Variants in MOK observed in about 807,000 individuals in gnomAD.
MOK encodes MAPK/MAK/MRK overlapping kinase.
MOK carries 59 observed loss-of-function variants against 54.2 expected under a neutral mutation model. The observed-to-expected ratio is 1.09, with a 90% CI of 0.88 to 1.35. MOK has a LOEUF of 1.35. MOK is among the 40% of genes most tolerant of loss of function. MOK has a pLI of 0.00. For missense variants in MOK, 517 were observed against 526.2 expected, an observed-to-expected ratio of 0.98 and a Z score of 0.17; for synonymous variants, 210 against 202.7, an observed-to-expected ratio of 1.04 and a Z score of -0.31.
chr14:102,255,642 C>T (rs952241494), intron 4 of MOK, among the ~76,000 whole-genome samples: 2 of 152,190 alleles, frequency 1.3e-5, no homozygotes, highest in Admixed American at 1.3e-4. Context: ...CAAAGGAAAG[C>T]ACTGCCTAGC....
chr14:102,223,523 CTG>C (rs201658511), downstream of MOK: 2,136 of 152,650 alleles, frequency 0.014, 26 homozygotes, highest in Admixed American at 0.033. Context: ...GTAAAATAAA[CTG>C]TTGTTTCCAA....
chr14:102,285,209 A>C (rs1463746641), intron 1 of MOK, among the ~76,000 whole-genome samples: 2 of 152,182 alleles, frequency 1.3e-5, no homozygotes, highest in Non-Finnish European at 2.9e-5. Flanking sequence ...TGGCAGAAAC[A>C]AGCCTAGAGT....
intron 1 of MOK, among the ~76,000 whole-genome samples, chr14:102,291,158 C>A (rs887537987): frequency 6.6e-6 from 1 of 152,166 alleles, no homozygotes; most frequent in African/African-American, 2.4e-5. Flanking sequence ...GGTACCATAT[C>A]CCTTCTGACA....
At chr14:102,259,345 AAAG>A (rs1250158819) in intron 4 of MOK, among the ~76,000 whole-genome samples, 1 of 152,168 alleles carries the variant, frequency 6.6e-6, no homozygotes, top group Non-Finnish European at 1.5e-5. Flanking sequence ...AGTTTTCACT[AAAG>A]AAGCATCATC....
chr14:102,233,190 A>T (rs1567135813), intron 8 of MOK: 1 of 155,884 alleles, frequency 6.4e-6, no homozygotes, highest in Non-Finnish European at 1.4e-5. Context: ...CCTCCCTGGG[A>T]TGTGGGGGCC....
At chr14:102,255,442 AAG>A (rs1476430607) in intron 4 of MOK, among the ~76,000 whole-genome samples, 1 of 152,148 alleles carries the variant, frequency 6.6e-6, no homozygotes, top group Non-Finnish European at 1.5e-5. Flanking sequence ...AGTCCCAGGT[AAG>A]AGTCCTCTTC....
chr14:102,273,112 G>A (rs1261772622), intron 2 of MOK, among the ~76,000 whole-genome samples: 3 of 152,038 alleles, frequency 2.0e-5, no homozygotes, highest in Non-Finnish European at 4.4e-5. Context: ...GGAGGTTGCA[G>A]TGAGCTGAGA....
rs1189943845 is a variant in MOK at position 102,240,064 on chromosome 14, T to G, written c.591-6275A>C. Among the ~76,000 whole-genome samples, 1 of 152,108 alleles carries G rather than the reference T, an allele frequency of 6.6e-6. No homozygotes were observed. The highest frequency in any genetic ancestry group is 1.5e-5 in the Non-Finnish European group (1 of 67,998). ...CCAGCCCTGCCTTAACTGATGACATTACCTTGTGAAATTCCTTCTCCTGGC... is the reference window on the plus strand; with the variant it reads ...CCAGCCCTGCCTTAACTGATGACATGACCTTGTGAAATTCCTTCTCCTGGC... On this transcript the variant is annotated intron_variant, in intron 7 of 11. Coordinates refer to ENST00000361847, the MANE Select transcript of MOK (RefSeq NM_014226.3). The surrounding 1 kb of genome is among the most constrained non-coding windows in gnomAD (Gnocchi z 5.4).
At chr14:102,217,984 T>G in the MOK span, among the ~76,000 whole-genome samples, 1 of 152,246 alleles carries the variant, frequency 6.6e-6, no homozygotes, top group African/African-American at 2.4e-5. Context: ...AAGGCTGGCC[T>G]TCTCCCTCTG....
At chr14:102,284,835 T>C (rs903153667) in intron 1 of MOK, among the ~76,000 whole-genome samples, 1 of 152,102 alleles carries the variant, frequency 6.6e-6, no homozygotes, top group South Asian at 2.1e-4. Flanking sequence ...CCCTGCACTT[T>C]AGGAGGCCGA....
chr14:102,297,867 G>C (rs2071623401), intron 1 of MOK, among the ~76,000 whole-genome samples: 1 of 152,184 alleles, frequency 6.6e-6, no homozygotes, highest in Non-Finnish European at 1.5e-5. Flanking sequence ...ACCCTGCAGT[G>C]CCGGCCCACC....
intron 4 of MOK, among the ~76,000 whole-genome samples, chr14:102,260,949 C>T (rs1343384324): frequency 2.6e-5 from 4 of 151,420 alleles, no homozygotes; most frequent in African/African-American, 9.7e-5. Flanking sequence ...GGTGAAACCC[C>T]GTCTCTACTA....
intron 1 of MOK, among the ~76,000 whole-genome samples, chr14:102,289,815 C>T (rs903341591): frequency 1.3e-5 from 2 of 152,088 alleles, no homozygotes; most frequent in East Asian, 3.9e-4. Context: ...CCCTCAAGCT[C>T]CTTCTTTGTC....
In MOK at chr14:102,238,333, G is replaced by C. The variant is rs989778883; in HGVS notation, c.591-4544C>G. On this transcript the variant is annotated intron_variant, in intron 7 of 11. Coordinates refer to ENST00000361847, the MANE Select transcript of MOK (RefSeq NM_014226.3). This position sits in a 1 kb window ranked among gnomAD's most constrained non-coding sequence, Gnocchi z 4.8. Reference sequence around the variant, plus strand: ...CAACACTTACACAGACTCCAAAGATGTATATCACATTCTTCATTCCCACGC... The same window carrying C: ...CAACACTTACACAGACTCCAAAGATCTATATCACATTCTTCATTCCCACGC... 17 of 152,200 alleles carry C rather than the reference G, an allele frequency of 1.1e-4. No homozygotes were observed. Among genetic ancestry groups the C allele is most frequent in the African/African-American group, 3.6e-4 (15 of 41,430 alleles). The allele number at this position is 152,200 out of a possible 1,614,324, so 9.4% of individuals were successfully genotyped here.
At chr14:102,223,004 T>C (rs1450102322), downstream of MOK, 3 of 1,204,452 alleles carry the variant, frequency 2.5e-6, no homozygotes, top group East Asian at 7.3e-5. Context: ...ACGTCGGCGA[T>C]AGCCGTGTGG....
chr14:102,251,332 T>C, intron 6 of MOK: 1 of 386,022 alleles, frequency 2.6e-6, no homozygotes, highest in Non-Finnish European at 4.9e-6. Flanking sequence ...CAAGGGCTCT[T>C]TTAGCCACAC....
chr14:102,248,170 GC>G (rs907941794), intron 7 of MOK, among the ~76,000 whole-genome samples: 1 of 152,088 alleles, frequency 6.6e-6, no homozygotes, highest in African/African-American at 2.4e-5. Context: ...GAGACAAACT[GC>G]CCCAAAAAAG....
Position 102,249,435 on chromosome 14 carries a change from C to T in MOK, c.590+1377G>A, listed in dbSNP as rs543364449. 3.3e-5 allele frequency among the ~76,000 whole-genome samples: 5 copies of T among 152,230 alleles called. No individual in the cohort carries two copies. The highest frequency in any genetic ancestry group is 7.2e-5 in the African/African-American group (3 of 41,522). ...AACAAGATTTTAAACCTGTGCTGGG[C>T]GCGGTGGCTCATGCCTGTAATCCCA... is the stretch of plus-strand genomic sequence containing the variant. On this transcript the variant is annotated intron_variant, in intron 7 of 11. Coordinates refer to ENST00000361847, the MANE Select transcript of MOK (RefSeq NM_014226.3). This position sits in a 1 kb window ranked among gnomAD's most constrained non-coding sequence, Gnocchi z 5.3.
rs894216427 is a variant in MOK, at chr14:102,236,848, T to C, written c.591-3059A>G. On this transcript the variant is annotated intron_variant, in intron 7 of 11. Transcript: ENST00000361847. This position sits in a 1 kb window ranked among gnomAD's most constrained non-coding sequence, Gnocchi z 4.5. ...CACGCCGTCTTCTTAGGCCAACACG[T>C]TCTTCATATAACACCACCATCCTCC... 2.0e-5 allele frequency among the ~76,000 whole-genome samples: 3 copies of C among 152,160 alleles called. No individual in the cohort carries two copies. The highest frequency in any genetic ancestry group is 7.2e-5 in the African/African-American group (3 of 41,414).
Sources: allele counts gnomAD v4.1 joint callset (sites outside exome capture counted in the v4.1 genomes callset), GRCh38; gene constraint gnomAD v4.1.1; non-coding constraint Gnocchi (gnomAD v3.1); transcripts MANE v1.5; gene names NCBI Gene and HGNC (gene_info 2026-07-23, HGNC 2026-07-21).